Variants in SGPP2 observed in about 807,000 individuals in gnomAD.
SGPP2 encodes the protein sphingosine-1-phosphate phosphatase 2, also known as sphingosine 1-phosphate phosphohydrolase 2.
A neutral mutation model predicts 33.9 loss-of-function variants in SGPP2; 30 were observed. That is an observed-to-expected ratio of 0.89 (90% CI 0.66 to 1.20). The LOEUF (loss-of-function observed/expected upper bound fraction) is 1.20. SGPP2 is among the 50% of genes most tolerant of loss of function. The pLI is 0.00. For synonymous variants in SGPP2, 233 were observed against 225.0 expected, an observed-to-expected ratio of 1.04 and a Z score of -0.32; for missense variants, 458 against 532.1, an observed-to-expected ratio of 0.86 and a Z score of 1.37.
intron 1 of SGPP2, among the ~76,000 whole-genome samples, chr2:222,455,270 G>A (rs954301264): frequency 2.6e-5 from 4 of 151,920 alleles, no homozygotes; most frequent in African/African-American, 9.7e-5. Flanking sequence ...CTATGAAGAA[G>A]ATAGAACAGG....
intron 1 of SGPP2, among the ~76,000 whole-genome samples, chr2:222,435,928 C>T (rs2106061437): frequency 6.6e-6 from 1 of 152,306 alleles, no homozygotes; most frequent in Non-Finnish European, 1.5e-5. Context: ...TTCAAACCTT[C>T]ATTCCTGAAG....
At chr2:222,486,173 C>A (rs148867909) in intron 2 of SGPP2, among the ~76,000 whole-genome samples, 1 of 152,086 alleles carries the variant, frequency 6.6e-6, no homozygotes, top group Non-Finnish European at 1.5e-5. Context: ...ATTTGCTATG[C>A]GGAAGCTGGG....
Position 222,476,324 on chromosome 2 carries a change from CG to C in SGPP2, c.378+1602del, listed in dbSNP as rs968035663. 6.6e-6 allele frequency among the ~76,000 whole-genome samples: 1 copy of C among 151,968 alleles called. No individual in the cohort carries two copies. Among genetic ancestry groups the C allele is most frequent in the African/African-American group, 2.4e-5 (1 of 41,348 alleles). On this transcript the variant is annotated intron_variant, in intron 2 of 4. Coordinates refer to ENST00000321276, the MANE Select transcript of SGPP2 (RefSeq NM_152386.4). The surrounding 1 kb of genome is among the most constrained non-coding windows in gnomAD (Gnocchi z 4.3). ...GGGCCAGGGTGAGGGGTGGCAAGGG[CG>C]GGGTATCCACACAAATTCTTCACCA... is the stretch of plus-strand genomic sequence containing the variant.
chr2:222,521,705 A>C, intron 2 of SGPP2, 62 bp from the exon 3 acceptor site: 1 of 1,540,896 alleles, frequency 6.5e-7, no homozygotes, highest in Non-Finnish European at 8.7e-7. Flanking sequence ...TATCCATGAC[A>C]TTTGGAAATG....
At chr2:222,464,684 T>C (rs1697717604) in intron 1 of SGPP2, among the ~76,000 whole-genome samples, 1 of 152,174 alleles carries the variant, frequency 6.6e-6, no homozygotes, top group South Asian at 2.1e-4. Flanking sequence ...GGTCTCACTA[T>C]GTTTCCCAGG....
At chr2:222,556,264 A>G (rs149105572) in intron 4 of SGPP2, among the ~76,000 whole-genome samples, 2 of 152,262 alleles carry the variant, frequency 1.3e-5, no homozygotes, top group African/African-American at 2.4e-5. Context: ...AATTAAGGCA[A>G]TATCAGTGCA....
At position 222,558,717 on chromosome 2, in the gene SGPP2, AG is replaced by A. The variant is rs1278028077; in HGVS notation, c.1020del (p.Gln340HisfsTer68). On this transcript the variant is annotated frameshift_variant, in exon 5 of 5. Coordinates refer to ENST00000321276, the MANE Select transcript of SGPP2 (RefSeq NM_152386.4). LOFTEE classifies it high-confidence loss of function. The stretch of plus-strand genomic sequence containing the variant: ...ATTGTGTTGATCCTCTTGGTTCGTC[AG>A]CTTGTACAAAATCTCTCACTGCAAG... ...VGIVLILLVRQLVQNLSLQVL... is the reference protein window; with the variant it reads ...VGIVLILLVRXLVQNLSLQVL... 2 of 1,614,160 alleles carry A rather than the reference AG, an allele frequency of 1.2e-6. No individual in the cohort carries two copies. The highest frequency in any genetic ancestry group is 1.7e-6 in the Non-Finnish European group (2 of 1,180,024).
chr2:222,548,239 G>A (rs1689235510), intron 4 of SGPP2, among the ~76,000 whole-genome samples: 1 of 152,224 alleles, frequency 6.6e-6, no homozygotes, highest in Admixed American at 6.5e-5. Flanking sequence ...GCCCCCATAT[G>A]ACATGGAAAT....
At chr2:222,521,075 A>G (rs1244686218) in intron 2 of SGPP2, among the ~76,000 whole-genome samples, 3 of 152,244 alleles carry the variant, frequency 2.0e-5, no homozygotes, top group African/African-American at 4.8e-5. Flanking sequence ...CTTTATTTAA[A>G]GACTGAAAAT....
rs3076774 is a variant in SGPP2, at chr2:222,561,837, G to GAAAAAA, written c.*2944_*2945insAAAAAA. Among the ~76,000 whole-genome samples the GAAAAAA allele has an allele frequency of 7.7e-3, 1,162 of 150,460 alleles. 15 individuals carry two copies. The highest frequency in any genetic ancestry group is 0.027 in the African/African-American group (1,109 of 41,056). On this transcript the variant is annotated 3_prime_UTR_variant, in exon 5 of 5. Coordinates refer to ENST00000321276, the MANE Select transcript of SGPP2 (RefSeq NM_152386.4). ...GAATCAGACAAAAATTCATCGGGGT[G>GAAAAAA]AAAAAGGCATTACCTGATTCACACC...
intron 2 of SGPP2, among the ~76,000 whole-genome samples, chr2:222,498,921 T>C (rs1319600907): frequency 4.6e-5 from 7 of 152,226 alleles, no homozygotes; most frequent in African/African-American, 1.7e-4. Flanking sequence ...CCATCATCCT[T>C]TCTGGTTGAT....
Position 222,561,516 on chromosome 2 carries a change from T to C in SGPP2, c.*2618T>C, listed in dbSNP as rs1689538776. 8.6e-6 allele frequency among the ~76,000 whole-genome samples: 1 copy of C among 115,728 alleles called. No homozygotes were observed. Among genetic ancestry groups the C allele is most frequent in the Non-Finnish European group, 2.0e-5 (1 of 49,860 alleles). The allele number at this position is 115,728 out of a possible 152,430, so 75.9% of individuals were successfully genotyped here. A position where few individuals can be genotyped will look rare whatever the true frequency, so the allele number is the denominator to read the frequency against. On this transcript the variant is annotated 3_prime_UTR_variant, in exon 5 of 5. Coordinates refer to ENST00000321276, the MANE Select transcript of SGPP2 (RefSeq NM_152386.4). ...AGTGGGTGCTGGCCTCTCATATATA[T>C]GATATATATATATCATTTTATATAT... is the stretch of plus-strand genomic sequence containing the variant.
intron 1 of SGPP2, among the ~76,000 whole-genome samples, chr2:222,443,761 G>A (rs770137452): frequency 6.6e-6 from 1 of 152,198 alleles, no homozygotes; most frequent in Non-Finnish European, 1.5e-5. Flanking sequence ...GCCCCTCACA[G>A]AGGTCTGTGT....
chr2:222,461,322 T>C (rs2106084520), intron 1 of SGPP2, among the ~76,000 whole-genome samples: 1 of 152,230 alleles, frequency 6.6e-6, no homozygotes, highest in South Asian at 2.1e-4. Flanking sequence ...TTACCTAGCA[T>C]GTCCGGCATT....
At chr2:222,507,876 A>G (rs1381153541) in intron 2 of SGPP2, among the ~76,000 whole-genome samples, 1 of 152,208 alleles carries the variant, frequency 6.6e-6, no homozygotes, top group East Asian at 1.9e-4. Flanking sequence ...AATTTATTTA[A>G]CCGTGTCCTG....
At chr2:222,507,147 T>G (rs1175500430) in intron 2 of SGPP2, among the ~76,000 whole-genome samples, 3 of 152,160 alleles carry the variant, frequency 2.0e-5, no homozygotes, top group Non-Finnish European at 2.9e-5. Flanking sequence ...GCTTGGTGAT[T>G]TAGTGAAGAT....
intron 4 of SGPP2, among the ~76,000 whole-genome samples, chr2:222,545,567 C>T (rs1689175703): frequency 6.6e-6 from 1 of 152,114 alleles, no homozygotes; most frequent in South Asian, 2.1e-4. Flanking sequence ...CAGGCGTGAG[C>T]CACCACACCT....
Position 222,465,439 on chromosome 2 carries a change from A to T in SGPP2, c.220-9129A>T, listed in dbSNP as rs1697731114. ...TGATTCTCTTAAAAAAAAAAAAGTG[A>T]GTAATTAAAAGTGACGGGCCAGGTT... On this transcript the variant is annotated intron_variant, in intron 1 of 4. Transcript: ENST00000321276. The surrounding 1 kb of genome is among the most constrained non-coding windows in gnomAD (Gnocchi z 4.1). 6.6e-6 allele frequency among the ~76,000 whole-genome samples: 1 copy of T among 151,032 alleles called. No individual in the cohort carries two copies. Among genetic ancestry groups the T allele is most frequent in the Non-Finnish European group, 1.5e-5 (1 of 67,840 alleles).
chr2:222,497,837 T>C (rs888028672), intron 2 of SGPP2, among the ~76,000 whole-genome samples: 1 of 152,200 alleles, frequency 6.6e-6, no homozygotes. Flanking sequence ...AGCAGAAACC[T>C]ACTTTAGAGA....
Sources: allele counts gnomAD v4.1 joint callset (sites outside exome capture counted in the v4.1 genomes callset), GRCh38; gene constraint gnomAD v4.1.1; non-coding constraint Gnocchi (gnomAD v3.1); transcripts MANE v1.5; gene names NCBI Gene and HGNC (gene_info 2026-07-23, HGNC 2026-07-21).